SH3RF3: variants seen among roughly 807,000 people sequenced by gnomAD.
SH3RF3 encodes E3 ubiquitin-protein ligase SH3RF3.
SH3RF3 carries 29 observed loss-of-function variants against 66.3 expected under a neutral mutation model. The ratio of observed to expected loss-of-function variants is 0.44; its 90% CI spans 0.33 to 0.60. The LOEUF is 0.60. Ranked by LOEUF, SH3RF3 falls within the 20% of genes least tolerant of loss-of-function variation. The probability of loss-of-function intolerance (pLI) is 0.04; values close to 1 mark genes in which losing one functional copy is unlikely to be tolerated. For synonymous variants in SH3RF3, 583 were observed against 532.0 expected, an observed-to-expected ratio of 1.10 and a Z score of -1.32; for missense variants, 1,194 against 1,190.9, an observed-to-expected ratio of 1.00 and a Z score of -0.04.
chr2:109,280,321 A>T (rs1161441394), intron 1 of SH3RF3, among the ~76,000 whole-genome samples: 1 of 152,186 alleles, frequency 6.6e-6, no homozygotes, highest in African/African-American at 2.4e-5. Context: ...ACTGAGGCCC[A>T]GAGAGGGGGC....
intron 7 of SH3RF3, among the ~76,000 whole-genome samples, chr2:109,445,873 A>G (rs72947123): frequency 1.1e-4 from 17 of 152,288 alleles, no homozygotes; most frequent in African/African-American, 4.1e-4. Context: ...TCATTCCCCT[A>G]TCATTTATAA....
At chr2:109,233,048 T>A (rs2105191873) in intron 1 of SH3RF3, among the ~76,000 whole-genome samples, 1 of 152,232 alleles carries the variant, frequency 6.6e-6, no homozygotes, top group Admixed American at 6.5e-5. Flanking sequence ...GATGAGTGGG[T>A]GCTGGGGCCG....
chr2:109,334,406 C>G (rs1312133861), intron 1 of SH3RF3, among the ~76,000 whole-genome samples: 1 of 149,798 alleles, frequency 6.7e-6, no homozygotes, highest in Non-Finnish European at 1.5e-5. Flanking sequence ...ACCACCTCAT[C>G]ATCAGGGTAC....
intron 1 of SH3RF3, among the ~76,000 whole-genome samples, chr2:109,222,029 A>G (rs1012602336): frequency 2.0e-5 from 3 of 152,196 alleles, no homozygotes; most frequent in Admixed American, 2.0e-4. Flanking sequence ...AAAAGAATGA[A>G]ATCATGTCAT....
In SH3RF3 at chr2:109,407,347, T is replaced by G. The variant is rs189370919; in HGVS notation, c.1299+8404T>G. Among the ~76,000 whole-genome samples, 459 of 152,338 alleles carry G rather than the reference T, an allele frequency of 3.0e-3. 7 individuals are homozygous for G. The highest frequency in any genetic ancestry group is 1.1e-3 in the Non-Finnish European group (76 of 68,020). On this transcript the variant is annotated intron_variant, in intron 4 of 9. Transcript: ENST00000309415. ...AGACAGCATTTCTCAAGTCTCTTCG[T>G]GTCTGAGAAGTAAATGAGGAGAGTT...
intron 3 of SH3RF3, among the ~76,000 whole-genome samples, chr2:109,387,913 C>T (rs1675868924): frequency 6.6e-6 from 1 of 152,038 alleles, no homozygotes; most frequent in African/African-American, 2.4e-5. Flanking sequence ...CTTCCTGACT[C>T]GTTCCACTGC....
intron 1 of SH3RF3, among the ~76,000 whole-genome samples, chr2:109,260,527 C>G (rs997170804): frequency 2.6e-5 from 4 of 152,192 alleles, no homozygotes; most frequent in African/African-American, 9.6e-5. Flanking sequence ...TTAGCACTTT[C>G]ACTTGTAGCG....
rs145691716 is a variant in SH3RF3, at chr2:109,320,727, A to G, written c.574-26947A>G. Among the ~76,000 whole-genome samples the G allele has an allele frequency of 8.4e-3, 1,275 of 152,342 alleles. 15 individuals are homozygous for G. The highest frequency in any genetic ancestry group is 0.044 in the East Asian group (227 of 5,186). On this transcript the variant is annotated intron_variant, in intron 1 of 9. Coordinates refer to ENST00000309415, the MANE Select transcript of SH3RF3 (RefSeq NM_001099289.3). ...AGATATCAGCCCCGCAGATGAACAG[A>G]CAAGTAAACAACGTCAGGCAGATGA...
rs1679465003 is a variant in SH3RF3 at position 109,503,994 on chromosome 2, T to C, written c.*2323T>C. On this transcript the variant is annotated 3_prime_UTR_variant, in exon 10 of 10. Transcript: ENST00000309415. ...CCACCTTAGGAAGGAGAGCGATGCGTGGGTCTGGCCAGAGCTCTGGAGCCA... is the reference window on the plus strand; with the variant it reads ...CCACCTTAGGAAGGAGAGCGATGCGCGGGTCTGGCCAGAGCTCTGGAGCCA... The C allele has an allele frequency of 6.6e-6, 1 of 152,164 alleles. No individual in the cohort carries two copies. Among genetic ancestry groups the C allele is most frequent in the Admixed American group, 6.5e-5 (1 of 15,278 alleles). The allele number at this position is 152,164 out of a possible 1,614,324, so 9.4% of individuals were successfully genotyped here.
At chr2:109,142,446 C>T (rs1290548625) in intron 1 of SH3RF3, among the ~76,000 whole-genome samples, 1 of 152,218 alleles carries the variant, frequency 6.6e-6, no homozygotes, top group African/African-American at 2.4e-5. Context: ...TGACTTCTTC[C>T]CATTCCCTGG....
intron 4 of SH3RF3, among the ~76,000 whole-genome samples, chr2:109,415,720 C>T (rs1035589692): frequency 6.6e-6 from 1 of 152,190 alleles, no homozygotes; most frequent in Non-Finnish European, 1.5e-5. Context: ...ATACTGCCCC[C>T]TTTGCCTCCA....
rs1678607912 is a variant in SH3RF3 at position 109,199,617 on chromosome 2, TGGAA to T, written c.573+69505_573+69508del. Among the ~76,000 whole-genome samples, 2 of 258 alleles carry T rather than the reference TGGAA, an allele frequency of 7.8e-3. 1 individual carries two copies. Among genetic ancestry groups the T allele is most frequent in the African/African-American group, 0.024 (2 of 84 alleles). The allele number at this position is 258 out of a possible 152,430, so 0.2% of individuals were successfully genotyped here. ...TGGAATGGAATGGAATGGAATGGAATGGAATGGAATGGAATGGAATGGAATGGAA... is the reference window on the plus strand; with the variant it reads ...TGGAATGGAATGGAATGGAATGGAATTGGAATGGAATGGAATGGAATGGAA... On this transcript the variant is annotated intron_variant, in intron 1 of 9. Transcript: ENST00000309415.
chr2:109,487,281 C>T (rs1679008043), intron 8 of SH3RF3, among the ~76,000 whole-genome samples: 1 of 152,224 alleles, frequency 6.6e-6, no homozygotes, highest in South Asian at 2.1e-4. Flanking sequence ...ATGAGCCTCT[C>T]CCCGAGTACA....
intron 1 of SH3RF3, among the ~76,000 whole-genome samples, chr2:109,346,559 C>T (rs1455192028): frequency 2.0e-5 from 3 of 152,084 alleles, no homozygotes; most frequent in Admixed American, 6.6e-5. Flanking sequence ...GGCAAAGCTC[C>T]CACAGTTGAG....
intron 1 of SH3RF3, among the ~76,000 whole-genome samples, chr2:109,156,428 C>T (rs1194799714): frequency 6.6e-6 from 1 of 151,860 alleles, no homozygotes; most frequent in Non-Finnish European, 1.5e-5. Flanking sequence ...GGAGAGGATA[C>T]ACTAAGGGAT....
intron 1 of SH3RF3, among the ~76,000 whole-genome samples, chr2:109,302,312 G>C (rs1018579894): frequency 6.6e-6 from 1 of 152,230 alleles, no homozygotes; most frequent in African/African-American, 2.4e-5. Flanking sequence ...CAGCATATCT[G>C]TGATGGATCA....
At chr2:109,219,455 G>T (rs764611705) in intron 1 of SH3RF3, among the ~76,000 whole-genome samples, 1 of 151,878 alleles carries the variant, frequency 6.6e-6, no homozygotes, top group Non-Finnish European at 1.5e-5. Flanking sequence ...TCTAGACAGA[G>T]AAATTAGGGA....
intron 1 of SH3RF3, among the ~76,000 whole-genome samples, chr2:109,133,084 A>G (rs1469245067): frequency 6.6e-6 from 1 of 152,232 alleles, no homozygotes; most frequent in Non-Finnish European, 1.5e-5. Flanking sequence ...TGGAGCTGAC[A>G]GTAGAGGTAG....
chr2:109,190,500 C>T (rs1203109169), intron 1 of SH3RF3, among the ~76,000 whole-genome samples: 1 of 152,314 alleles, frequency 6.6e-6, no homozygotes, highest in South Asian at 2.1e-4. Flanking sequence ...AGATTGTTTC[C>T]GATGGGTTGT....
Sources: gnomAD v4.1 joint callset for allele counts (sites outside exome capture counted in the v4.1 genomes callset) on GRCh38, gnomAD v4.1.1 for gene constraint, MANE v1.5 for transcripts, NCBI Gene and HGNC (gene_info 2026-07-23, HGNC 2026-07-21) for gene names.